Variants in MYRIP observed in about 807,000 individuals in gnomAD.
MYRIP encodes the protein myosin VIIA and Rab interacting protein.
A neutral mutation model predicts 98.0 loss-of-function variants in MYRIP; 49 were observed. The observed-to-expected ratio is 0.50, with a 90% CI of 0.40 to 0.63. The LOEUF (loss-of-function observed/expected upper bound fraction) is 0.63. Among genes scored for constraint, MYRIP ranks in the 30% least tolerant of loss-of-function variants. The pLI is 0.00. For synonymous variants in MYRIP, 404 were observed against 409.5 expected (o/e 0.99, Z 0.16); for missense variants, 1,004 against 1,058.2 (o/e 0.95, Z 0.71).
At chr3:40,078,511 G>C (rs564055204) in intron 3 of MYRIP, among the ~76,000 whole-genome samples, 50 of 152,342 alleles carry the variant, frequency 3.3e-4, no homozygotes, top group African/African-American at 1.1e-3. Context: ...ATTTCAGTTA[G>C]AGGATAAAAC....
At chr3:39,900,710 C>G in intron 1 of MYRIP, 77 bp from the exon 2 acceptor site, 1 of 765,384 alleles carries the variant, frequency 1.3e-6, no homozygotes, top group Non-Finnish European at 2.2e-6. Flanking sequence ...CTATATTTAA[C>G]TCTATTTTAA....
intron 8 of MYRIP, chr3:40,174,089 G>A (rs1950691031): frequency 6.6e-6 from 1 of 152,176 alleles, no homozygotes; most frequent in South Asian, 2.1e-4. Context: ...TTTTAGGGAA[G>A]GAGTTGGGAG....
intron 2 of MYRIP, among the ~76,000 whole-genome samples, chr3:39,962,527 A>G (rs1469498599): frequency 6.6e-6 from 1 of 151,930 alleles, no homozygotes; most frequent in Non-Finnish European, 1.5e-5. Context: ...TCATGTGAAA[A>G]TTATCTCTGG....
intron 2 of MYRIP, among the ~76,000 whole-genome samples, chr3:40,006,394 A>C (rs1946635086): frequency 6.6e-6 from 1 of 151,944 alleles, no homozygotes; most frequent in African/African-American, 2.4e-5. Flanking sequence ...GTCTCAAAAA[A>C]AAAGGAGGCT....
chr3:40,097,135 C>G (rs1306724013), intron 3 of MYRIP, among the ~76,000 whole-genome samples: 1 of 152,222 alleles, frequency 6.6e-6, no homozygotes, highest in Non-Finnish European at 1.5e-5. Context: ...AAACTAATTA[C>G]TTTTCTGTAT....
rs1161106976 is a variant in MYRIP, at chr3:40,253,611, G to A, written c.2547+1612G>A. 3.9e-5 allele frequency among the ~76,000 whole-genome samples: 6 copies of A among 152,170 alleles called. No individual in the cohort carries two copies. In the East Asian group the frequency reaches 5.8e-4, roughly 15 times the overall value. ...ACTAAGATCGCACTAGTCTTAGTGAGTTAATACACATTGACCCAATAATTT... is the reference window on the plus strand; with the variant it reads ...ACTAAGATCGCACTAGTCTTAGTGAATTAATACACATTGACCCAATAATTT... On this transcript the variant is annotated intron_variant, in intron 16 of 16. Transcript: ENST00000302541.
chr3:40,073,213 G>T (rs1414103926), intron 3 of MYRIP, among the ~76,000 whole-genome samples: 5 of 152,154 alleles, frequency 3.3e-5, no homozygotes, highest in Admixed American at 3.3e-4. Context: ...TGAGGGTTCT[G>T]TGTTCCTGTC....
intron 2 of MYRIP, among the ~76,000 whole-genome samples, chr3:40,010,535 T>A (rs1257493616): frequency 2.6e-5 from 4 of 152,204 alleles, no homozygotes; most frequent in African/African-American, 9.7e-5. Flanking sequence ...GGACAGCCCA[T>A]CATGAACCAG....
At chr3:39,903,871 C>A (rs1442329272) in intron 2 of MYRIP, among the ~76,000 whole-genome samples, 1 of 152,170 alleles carries the variant, frequency 6.6e-6, no homozygotes, top group African/African-American at 2.4e-5. Flanking sequence ...ACTCTCCCTC[C>A]CTCCTTAAAA....
At chr3:40,218,741 G>A (rs1045470542) in intron 11 of MYRIP, among the ~76,000 whole-genome samples, 1 of 149,582 alleles carries the variant, frequency 6.7e-6, no homozygotes, top group Non-Finnish European at 1.5e-5. Context: ...AGTTTTGCTA[G>A]GAGACATAAA....
chr3:39,818,421 T>A (rs1940992175), intron 1 of MYRIP, among the ~76,000 whole-genome samples: 1 of 152,190 alleles, frequency 6.6e-6, no homozygotes, highest in African/African-American at 2.4e-5. Flanking sequence ...TGTATCTGCA[T>A]ATTTATTGGC....
intron 2 of MYRIP, among the ~76,000 whole-genome samples, chr3:40,027,710 G>A (rs369854255): frequency 1.2e-4 from 19 of 152,136 alleles, no homozygotes; most frequent in East Asian, 7.7e-4. Flanking sequence ...GAAGAGAGGG[G>A]CTATGTCTTT....
rs980575297 is a variant in MYRIP at position 39,917,621 on chromosome 3, AAG to A, written c.110+16701_110+16702del. Among the ~76,000 whole-genome samples the A allele has an allele frequency of 4.0e-4, 61 of 151,990 alleles. 1 individual carries two copies. The Middle Eastern group carries it at 0.01, about 25-fold the overall frequency. ...CATTGTTCTCATTCTGTAAATGACT[AAG>A]AGAGATCAGAGACTAGACCTCCTTC... On this transcript the variant is annotated intron_variant, in intron 2 of 16. Coordinates refer to ENST00000302541, the MANE Select transcript of MYRIP (RefSeq NM_015460.4).
At chr3:40,071,036 A>T in intron 3 of MYRIP, 1 of 637,702 alleles carries the variant, frequency 1.6e-6, no homozygotes, top group Non-Finnish European at 2.0e-6. Flanking sequence ...ACAAGATGTC[A>T]GGCAAAGCCA....
intron 11 of MYRIP, among the ~76,000 whole-genome samples, chr3:40,224,183 T>A (rs1359693626): frequency 6.6e-6 from 1 of 151,896 alleles, no homozygotes. Flanking sequence ...TCTGGTGAGG[T>A]AGAAAGCACC....
chr3:40,142,148 G>A (rs1050906789), intron 3 of MYRIP, among the ~76,000 whole-genome samples: 1 of 149,720 alleles, frequency 6.7e-6, no homozygotes, highest in Non-Finnish European at 1.5e-5. Context: ...TGCCTCCCAG[G>A]TTCAAATGAT....
intron 2 of MYRIP, among the ~76,000 whole-genome samples, chr3:39,950,623 C>T (rs1944988722): frequency 6.6e-6 from 1 of 152,086 alleles, no homozygotes; most frequent in Non-Finnish European, 1.5e-5. Flanking sequence ...TCTCTCTTTC[C>T]ATTTGTTCTT....
At chr3:40,143,940 G>A (rs1194952849) in intron 3 of MYRIP, among the ~76,000 whole-genome samples, 1 of 152,208 alleles carries the variant, frequency 6.6e-6, no homozygotes. Flanking sequence ...ACTTGAGTAA[G>A]CTGAAGCATT....
chr3:40,088,612 A>G (rs1431391936), intron 3 of MYRIP, among the ~76,000 whole-genome samples: 8 of 152,106 alleles, frequency 5.3e-5, no homozygotes, highest in African/African-American at 1.4e-4. Flanking sequence ...CCCCAACCCT[A>G]CAGAGCTAGT....
Sources: gnomAD v4.1 joint callset for allele counts (sites outside exome capture counted in the v4.1 genomes callset) on GRCh38, gnomAD v4.1.1 for gene constraint, MANE v1.5 for transcripts, NCBI Gene and HGNC (gene_info 2026-07-23, HGNC 2026-07-21) for gene names.